GFPT2: variants seen among roughly 807,000 people sequenced by gnomAD.
GFPT2 encodes the protein glutamine--fructose-6-phosphate aminotransferase [isomerizing] 2.
In GFPT2, 62 loss-of-function variants were observed where a neutral mutation model predicts 85.6. That is an observed-to-expected ratio of 0.72 (90% CI 0.59 to 0.90). GFPT2 has a LOEUF of 0.90. GFPT2 is among the 40% of genes least tolerant of loss of function. The probability of loss-of-function intolerance (pLI) is 0.00; values close to 1 mark genes in which losing one functional copy is unlikely to be tolerated. For synonymous variants in GFPT2, 368 were observed against 344.5 expected (o/e 1.07, Z -0.75); for missense variants, 788 against 893.4 (o/e 0.88, Z 1.50).
intron 10 of GFPT2, among the ~76,000 whole-genome samples, chr5:180,317,680 A>C (rs1764039794): frequency 3.2e-5 from 4 of 123,578 alleles, no homozygotes; most frequent in East Asian, 2.4e-4. Flanking sequence ...AATGGCGTGA[A>C]CCCGGGAGGC....
rs1190380282 is a variant in GFPT2 at position 180,313,855 on chromosome 5, G to A, written c.1383C>T (p.Cys461=). The A allele has an allele frequency of 3.1e-6, 5 of 1,598,946 alleles. No homozygotes were observed. Among genetic ancestry groups the A allele is most frequent in the Non-Finnish European group, 4.3e-6 (5 of 1,175,970 alleles). Residue 461 remains cysteine, a synonymous_variant, in exon 14 of 19, where the codon TGC becomes TGT. Coordinates refer to ENST00000253778, the MANE Select transcript of GFPT2 (RefSeq NM_005110.4). ...CCGGCCCTGCGTTGATGTGGACGCC[G>A]CAGTCGGTCTCGCGAGAGATGGAGC... is the stretch of plus-strand genomic sequence containing the variant. ...VGSSISRETD[C]GVHINAGPEI...
At chr5:180,333,584 C>T (rs1258927264) in intron 4 of GFPT2, among the ~76,000 whole-genome samples, 1 of 152,178 alleles carries the variant, frequency 6.6e-6, no homozygotes, top group African/African-American at 2.4e-5. Context: ...CACTTTCTTT[C>T]ATCTCAGTCT....
intron 15 of GFPT2, among the ~76,000 whole-genome samples, chr5:180,311,322 G>A (rs1763876876): frequency 6.6e-6 from 1 of 152,244 alleles, no homozygotes; most frequent in African/African-American, 2.4e-5. Context: ...TGAAGGAGGT[G>A]AGCTGCTGCT....
At chr5:180,309,342 A>C (rs1387583790) in intron 15 of GFPT2, among the ~76,000 whole-genome samples, 1 of 152,194 alleles carries the variant, frequency 6.6e-6, no homozygotes, top group African/African-American at 2.4e-5. Context: ...ATGTCTAACA[A>C]ACACCAAAAT....
At position 180,330,748 on chromosome 5, in the gene GFPT2, A is replaced by C; in HGVS notation, c.486T>G (p.Thr162=). 6.2e-7 allele frequency: 1 copy of C among 1,612,984 alleles called. No individual in the cohort carries two copies. The highest frequency in any genetic ancestry group is 8.5e-7 in the Non-Finnish European group (1 of 1,178,920). Residue 162 remains threonine (T), a synonymous_variant, in exon 6 of 19, where the codon ACT becomes ACG. Coordinates refer to ENST00000253778, the MANE Select transcript of GFPT2 (RefSeq NM_005110.4). This position sits in a 1 kb window ranked among gnomAD's most constrained non-coding sequence, Gnocchi z 4.4. The part of the protein sequence containing the change: ...LIKYVFDNRE[T]EDITFSTLVE... ...CCAACGTTGAAAACGTAATGTCCTC[A>C]GTTTCTCTGTTGTCGAACACATATT...
In GFPT2 at chr5:180,301,503, G is replaced by T; in HGVS notation, c.*61C>A. On this transcript the variant is annotated 3_prime_UTR_variant, in exon 19 of 19. Coordinates refer to ENST00000253778, the MANE Select transcript of GFPT2 (RefSeq NM_005110.4). ...ACTTCTCTTCCCATGTAGCATCCCT[G>T]CTGTTGGGACAGGTCTGGAATCAGA... 1 of 1,340,470 alleles carries T rather than the reference G, an allele frequency of 7.5e-7. No homozygotes were observed. The highest frequency in any genetic ancestry group is 1.1e-6 in the Non-Finnish European group (1 of 929,852). 83.0% of individuals were successfully genotyped at this position (1,340,470 alleles called of 1,614,324 possible). A position where few individuals can be genotyped will look rare whatever the true frequency, so the allele number is the denominator to read the frequency against.
chr5:180,331,798 C>T (rs1764305914), intron 4 of GFPT2: 2 of 519,334 alleles, frequency 3.9e-6, no homozygotes, highest in South Asian at 4.1e-5. Flanking sequence ...ATACACATCC[C>T]TCTTTCAGTG....
intron 17 of GFPT2, 95 bp downstream of exon 17, chr5:180,304,677 G>C: frequency 8.6e-7 from 1 of 1,166,644 alleles, no homozygotes; most frequent in South Asian, 1.4e-5. Flanking sequence ...TCACTGGCCA[G>C]ACCATCCATC....
At chr5:180,311,616 T>C (rs1250433716) in intron 15 of GFPT2, among the ~76,000 whole-genome samples, 1 of 152,204 alleles carries the variant, frequency 6.6e-6, no homozygotes, top group Admixed American at 6.5e-5. Flanking sequence ...TGCCCTGTGC[T>C]GGACACCAGC....
At chr5:180,350,976 G>A (rs1764700545) in intron 1 of GFPT2, among the ~76,000 whole-genome samples, 1 of 152,218 alleles carries the variant, frequency 6.6e-6, no homozygotes, top group African/African-American at 2.4e-5. Context: ...CACAGACTTC[G>A]CAGGGCCTCA....
intron 15 of GFPT2, among the ~76,000 whole-genome samples, chr5:180,308,039 G>A (rs1023411805): frequency 2.6e-5 from 4 of 152,156 alleles, no homozygotes; most frequent in Admixed American, 6.5e-5. Context: ...GGCGGATCAC[G>A]AGGTCAGGAG....
At chr5:180,303,658 C>T (rs1763720998) in intron 17 of GFPT2, among the ~76,000 whole-genome samples, 2 of 152,140 alleles carry the variant, frequency 1.3e-5, no homozygotes, top group African/African-American at 4.8e-5. Context: ...GGATGGGGCA[C>T]CTCATTGGAT....
At chr5:180,309,626 G>A (rs1400752582) in intron 15 of GFPT2, among the ~76,000 whole-genome samples, 3 of 151,938 alleles carry the variant, frequency 2.0e-5, no homozygotes, top group Admixed American at 6.6e-5. Context: ...TGGTCAGGCT[G>A]GTCTCGAACT....
chr5:180,339,105 G>C (rs951247968), intron 1 of GFPT2, among the ~76,000 whole-genome samples: 13 of 151,980 alleles, frequency 8.6e-5, no homozygotes, highest in African/African-American at 2.9e-4. Context: ...TTGAGCCGGG[G>C]GCGGTGGCTC....
At position 180,318,834 on chromosome 5, in the gene GFPT2, G is replaced by A. The variant is rs753407984; in HGVS notation, c.917C>T (p.Ala306Val). ...CAGTTCCATCTGCAAGGTCTGGATGGCTCGAGATGGGTCATCACTGGCCGA... is the reference window on the plus strand; with the variant it reads ...CAGTTCCATCTGCAAGGTCTGGATGACTCGAGATGGGTCATCACTGGCCGA... ...KRSASDDPSR[A>V]IQTLQMELQQ... Residue 306 changes from alanine (A) to valine (V), a missense_variant, in exon 10 of 19, where the codon GCC (alanine) becomes GTC (valine). By Grantham distance (64) the Ala-to-Val change is moderately conservative (BLOSUM62 0). Transcript: ENST00000253778. The surrounding 1 kb of genome is among the most constrained non-coding windows in gnomAD (Gnocchi z 4.2). The A allele has an allele frequency of 6.2e-7, 1 of 1,614,008 alleles. No individual in the cohort carries two copies. Among genetic ancestry groups the A allele is most frequent in the East Asian group, 2.2e-5 (1 of 44,884 alleles).
intron 4 of GFPT2, among the ~76,000 whole-genome samples, chr5:180,332,241 G>T (rs535376183): frequency 6.7e-6 from 1 of 149,082 alleles, no homozygotes; most frequent in African/African-American, 2.6e-5. Context: ...GAGGTGGCGG[G>T]GGGGCGGGGG....
intron 4 of GFPT2, 85 bp downstream of exon 4, chr5:180,335,743 G>A (rs1437495770): frequency 2.5e-5 from 34 of 1,375,294 alleles, no homozygotes; most frequent in Non-Finnish European, 3.3e-5. Flanking sequence ...TTAGAGGTGG[G>A]CGCGGAACCT....
At chr5:180,346,245 T>C (rs1010674364) in intron 1 of GFPT2, among the ~76,000 whole-genome samples, 2 of 152,142 alleles carry the variant, frequency 1.3e-5, no homozygotes, top group African/African-American at 4.8e-5. Context: ...CAGGTCTGCC[T>C]TTTTGCAAGC....
At chr5:180,322,215 C>T (rs1232774180) in intron 9 of GFPT2, among the ~76,000 whole-genome samples, 1 of 151,876 alleles carries the variant, frequency 6.6e-6, no homozygotes, top group African/African-American at 2.4e-5. Flanking sequence ...AATAGCTACT[C>T]TGGAAGCTGA....
Sources: allele counts gnomAD v4.1 joint callset (sites outside exome capture counted in the v4.1 genomes callset), GRCh38; gene constraint gnomAD v4.1.1; non-coding constraint Gnocchi (gnomAD v3.1); transcripts MANE v1.5; gene names NCBI Gene and HGNC (gene_info 2026-07-23, HGNC 2026-07-21).